TMTC1: variants seen among roughly 807,000 people sequenced by gnomAD.
TMTC1 encodes transmembrane O-mannosyltransferase targeting cadherins 1.
In TMTC1, 73 loss-of-function variants were observed where a neutral mutation model predicts 104.8. The ratio of observed to expected loss-of-function variants is 0.70; its 90% CI spans 0.58 to 0.85. TMTC1 has a LOEUF of 0.85. Among genes scored for constraint, TMTC1 ranks in the 40% least tolerant of loss-of-function variants. The pLI is 0.00. For synonymous variants in TMTC1, 434 were observed against 428.7 expected (o/e 1.01, Z -0.15); for missense variants, 1,035 against 1,096.1 (o/e 0.94, Z 0.79).
intron 4 of TMTC1, among the ~76,000 whole-genome samples, chr12:29,753,498 G>A (rs944920146): frequency 6.6e-6 from 1 of 152,222 alleles, no homozygotes; most frequent in Admixed American, 6.5e-5. Context: ...ACTGTGGGGA[G>A]GATACTTTCT....
At chr12:29,726,353 T>C (rs542979566) in intron 5 of TMTC1, among the ~76,000 whole-genome samples, 4 of 152,316 alleles carry the variant, frequency 2.6e-5, no homozygotes, top group Admixed American at 2.6e-4. Flanking sequence ...AGCTGCTCTT[T>C]ATAGACATCG....
Position 29,783,686 on chromosome 12 carries a change from G to A in TMTC1, c.66C>T (p.Cys22=), listed in dbSNP as rs1489126697. ...GDRTPSRRRG[C]GLAPAGAAAL... ...CCGCGGCCCCGGCCGGCGCTAGCCCGCAGCCCCGCCGCCGGGAGGGTGTGC... is the reference window on the plus strand; with the variant it reads ...CCGCGGCCCCGGCCGGCGCTAGCCCACAGCCCCGCCGCCGGGAGGGTGTGC... The change falls in exon 1 of 18, where the codon TGC becomes TGT. Residue 22 remains cysteine, a synonymous_variant. Transcript: ENST00000539277. This position sits in a 1 kb window ranked among gnomAD's most constrained non-coding sequence, Gnocchi z 4.7. 3 of 1,276,340 alleles carry A rather than the reference G, an allele frequency of 2.4e-6. No homozygotes were observed. The highest frequency in any genetic ancestry group is 2.9e-5 in the South Asian group (1 of 34,178). 79.1% of individuals were successfully genotyped at this position (1,276,340 alleles called of 1,614,324 possible). A position where few individuals can be genotyped will look rare whatever the true frequency, so the allele number is the denominator to read the frequency against.
intron 6 of TMTC1, among the ~76,000 whole-genome samples, chr12:29,608,982 G>T (rs1440693292): frequency 2.0e-5 from 3 of 152,058 alleles, no homozygotes; most frequent in Non-Finnish European, 4.4e-5. Flanking sequence ...GTATGCACCT[G>T]GCCAGCAGTG....
chr12:29,584,591 G>A (rs951268059), intron 7 of TMTC1, among the ~76,000 whole-genome samples: 3 of 151,058 alleles, frequency 2.0e-5, no homozygotes, highest in Non-Finnish European at 2.9e-5. Context: ...AGCCCGCCCC[G>A]CTTCCCCGAC....
chr12:29,613,587 A>G (rs767852516), intron 6 of TMTC1, among the ~76,000 whole-genome samples: 43 of 152,348 alleles, frequency 2.8e-4, no homozygotes, highest in Non-Finnish European at 5.1e-4. Context: ...GCGCTTAATC[A>G]TTTTATTCCC....
intron 7 of TMTC1, among the ~76,000 whole-genome samples, chr12:29,590,410 C>T (rs1946249183): frequency 6.6e-6 from 1 of 152,194 alleles, no homozygotes; most frequent in Non-Finnish European, 1.5e-5. Context: ...CAACACTAAT[C>T]AGCGTGATTC....
chr12:29,584,753 T>G (rs949495626), intron 7 of TMTC1, among the ~76,000 whole-genome samples: 17 of 151,998 alleles, frequency 1.1e-4, no homozygotes, highest in Middle Eastern at 3.2e-3. Context: ...TCCATGTCCC[T>G]ACAAAGGACA....
At chr12:29,770,669 G>A (rs1351198259) in intron 1 of TMTC1, among the ~76,000 whole-genome samples, 1 of 152,150 alleles carries the variant, frequency 6.6e-6, no homozygotes, top group Non-Finnish European at 1.5e-5. Context: ...CCCTTACCTG[G>A]AACCTAACAT....
intron 2 of TMTC1, among the ~76,000 whole-genome samples, chr12:29,761,293 G>T (rs1161595237): frequency 6.6e-6 from 1 of 151,448 alleles, no homozygotes; most frequent in Non-Finnish European, 1.5e-5. Flanking sequence ...AATTATTAAA[G>T]TATAAAGGAG....
chr12:29,760,939 C>T (rs1943332003), intron 2 of TMTC1, among the ~76,000 whole-genome samples: 1 of 147,098 alleles, frequency 6.8e-6, no homozygotes, highest in Non-Finnish European at 1.5e-5. Context: ...ATTCATTCTG[C>T]ATTTGCATAT....
chr12:29,725,397 C>A (rs302365), intron 5 of TMTC1, among the ~76,000 whole-genome samples: 7 of 151,584 alleles, frequency 4.6e-5, no homozygotes, highest in South Asian at 2.1e-4. Flanking sequence ...GCAATGGCTC[C>A]ATCTCAGCTC....
intron 7 of TMTC1, among the ~76,000 whole-genome samples, chr12:29,599,045 T>C (rs1456976473): frequency 6.6e-6 from 1 of 152,220 alleles, no homozygotes; most frequent in South Asian, 2.1e-4. Flanking sequence ...AATTTGCTCT[T>C]TGGCACTGAA....
intron 5 of TMTC1, among the ~76,000 whole-genome samples, chr12:29,692,302 T>C (rs1168232121): frequency 1.4e-5 from 2 of 145,358 alleles, no homozygotes; most frequent in African/African-American, 5.0e-5. Context: ...CTTATAATCT[T>C]TCTCTCCTCT....
At chr12:29,521,690 C>T (rs914452232) in intron 11 of TMTC1, among the ~76,000 whole-genome samples, 3 of 151,586 alleles carry the variant, frequency 2.0e-5, no homozygotes, top group African/African-American at 7.3e-5. Flanking sequence ...ACCTCAGCTC[C>T]CTGAGTAGCT....
chr12:29,590,880 A>G (rs966203018), intron 7 of TMTC1, among the ~76,000 whole-genome samples: 1 of 152,200 alleles, frequency 6.6e-6, no homozygotes, highest in Non-Finnish European at 1.5e-5. Context: ...ACTTGAATCT[A>G]TTCTGCTGGG....
intron 5 of TMTC1, among the ~76,000 whole-genome samples, chr12:29,697,237 T>A (rs1479617846): frequency 6.6e-6 from 1 of 152,242 alleles, no homozygotes; most frequent in African/African-American, 2.4e-5. Context: ...ATTTCACTTC[T>A]TCCACCTGTC....
intron 6 of TMTC1, among the ~76,000 whole-genome samples, chr12:29,608,803 G>A (rs1459973594): frequency 1.3e-5 from 2 of 152,150 alleles, no homozygotes; most frequent in Non-Finnish European, 2.9e-5. Context: ...GCAGCTAAGG[G>A]AAGAGCAGGG....
intron 9 of TMTC1, among the ~76,000 whole-genome samples, chr12:29,559,734 C>A (rs1278033276): frequency 6.6e-6 from 1 of 152,134 alleles, no homozygotes; most frequent in Non-Finnish European, 1.5e-5. Flanking sequence ...CCAAGCAAAG[C>A]CCTCCACCTG....
intron 9 of TMTC1, among the ~76,000 whole-genome samples, chr12:29,564,960 C>T (rs566259289): frequency 2.0e-5 from 3 of 152,122 alleles, no homozygotes; most frequent in South Asian, 4.2e-4. Context: ...CAGCCTTAGG[C>T]GTGAAAAATG....
Sources: allele counts gnomAD v4.1 joint callset (sites outside exome capture counted in the v4.1 genomes callset), GRCh38; gene constraint gnomAD v4.1.1; non-coding constraint Gnocchi (gnomAD v3.1); transcripts MANE v1.5; gene names NCBI Gene and HGNC (gene_info 2026-07-23, HGNC 2026-07-21).